The following GRIK1 variants were observed in gnomAD, a reference collection of about 807,000 sequenced individuals.
GRIK1 encodes the protein glutamate receptor ionotropic, kainate 1.
A neutral mutation model predicts 105.7 loss-of-function variants in GRIK1; 69 were observed. The observed-to-expected ratio is 0.65, with a 90% CI of 0.54 to 0.80. GRIK1 has a LOEUF of 0.80. Among genes scored for constraint, GRIK1 ranks in the 30% least tolerant of loss-of-function variants. The pLI is 0.00. For synonymous variants in GRIK1, 438 were observed against 431.3 expected, an observed-to-expected ratio of 1.02 and a Z score of -0.19; for missense variants, 1,109 against 1,167.3, an observed-to-expected ratio of 0.95 and a Z score of 0.73.
At chr21:29,709,306 A>C (rs910354534) in intron 1 of GRIK1, among the ~76,000 whole-genome samples, 1 of 139,416 alleles carries the variant, frequency 7.2e-6, no homozygotes, top group Non-Finnish European at 1.5e-5. Context: ...TTTGAGACAG[A>C]GTCTAGCTCT....
intron 1 of GRIK1, among the ~76,000 whole-genome samples, chr21:29,863,075 T>C (rs2068695763): frequency 6.6e-6 from 1 of 152,240 alleles, no homozygotes; most frequent in Admixed American, 6.5e-5. Flanking sequence ...TGTCTGTGAA[T>C]CCATGTACTC....
chr21:29,859,696 G>A (rs1045643459), intron 1 of GRIK1, among the ~76,000 whole-genome samples: 4 of 152,182 alleles, frequency 2.6e-5, no homozygotes, highest in African/African-American at 9.6e-5. Context: ...GGGTGGGGAC[G>A]CTAACCTGGG....
chr21:29,821,057 TAAAAA>T (rs11369503), intron 1 of GRIK1, among the ~76,000 whole-genome samples: 3 of 141,544 alleles, frequency 2.1e-5, no homozygotes, highest in Non-Finnish European at 4.6e-5. Context: ...CAACACACAG[TAAAAA>T]AAAAAAAAAA....
rs528572000 is a variant in GRIK1 at position 29,739,107 on chromosome 21, A to G, written c.119-45044T>C. The stretch of plus-strand genomic sequence containing the variant: ...TCATGAAAATTATAGTACATTGGAG[A>G]AAAAGGACATTAAAAATATAATATA... On this transcript the variant is annotated intron_variant, in intron 1 of 17. Transcript: ENST00000327783. 7.9e-5 allele frequency among the ~76,000 whole-genome samples: 12 copies of G among 152,312 alleles called. No homozygotes were observed. The East Asian group carries it at 2.1e-3, about 27-fold the overall frequency.
Position 29,537,900 on chromosome 21 carries a change from G to GAA in GRIK1, c.2608-18_2608-17dup. 6 of 1,009,700 alleles carry GAA rather than the reference G, an allele frequency of 5.9e-6. No individual in the cohort carries two copies. Among genetic ancestry groups the GAA allele is most frequent in the South Asian group, 1.5e-5 (1 of 68,130 alleles). 62.5% of individuals were successfully genotyped at this position (1,009,700 alleles called of 1,614,324 possible). Reference sequence around the variant, plus strand: ...ACTTTCCTTTCTGATAAAAAAAAAAGAAAAAAAAACAATTTTAAATTGTAC... The same window carrying GAA: ...ACTTTCCTTTCTGATAAAAAAAAAAGAAAAAAAAAAACAATTTTAAATTGTAC... On this transcript the variant is annotated splice_polypyrimidine_tract_variant and intron_variant, in intron 16 of 17. Coordinates refer to ENST00000327783, the MANE Select transcript of GRIK1 (RefSeq NM_001330994.2).
intron 11 of GRIK1, 81 bp downstream of exon 11, chr21:29,588,758 A>C (rs2061285448): frequency 2.4e-6 from 2 of 825,058 alleles, no homozygotes; most frequent in South Asian, 1.6e-5. Context: ...AAAAAAGGAA[A>C]CATTTCTTCT....
chr21:29,744,687 T>C (rs772142528), intron 1 of GRIK1, among the ~76,000 whole-genome samples: 1 of 152,202 alleles, frequency 6.6e-6, no homozygotes, highest in Non-Finnish European at 1.5e-5. Context: ...GTCTATATTT[T>C]TCAAGATCTT....
intron 12 of GRIK1, among the ~76,000 whole-genome samples, chr21:29,585,988 C>A (rs1199288026): frequency 1.3e-5 from 2 of 152,110 alleles, no homozygotes; most frequent in African/African-American, 4.8e-5. Context: ...CACTTGATAC[C>A]AATAGCACTC....
intron 7 of GRIK1, among the ~76,000 whole-genome samples, chr21:29,605,509 T>C (rs1389520297): frequency 6.6e-6 from 1 of 152,192 alleles, no homozygotes; most frequent in African/African-American, 2.4e-5. Flanking sequence ...CTATTGTGAA[T>C]CATGCTGCAA....
At chr21:29,575,249 T>A (rs1465754549) in intron 14 of GRIK1, among the ~76,000 whole-genome samples, 1 of 152,162 alleles carries the variant, frequency 6.6e-6, no homozygotes, top group Non-Finnish European at 1.5e-5. Context: ...TAGTTTTTGT[T>A]TCTAAGCTGG....
chr21:29,746,603 G>T (rs1374051445), intron 1 of GRIK1, among the ~76,000 whole-genome samples: 1 of 152,198 alleles, frequency 6.6e-6, no homozygotes, highest in Non-Finnish European at 1.5e-5. Flanking sequence ...AGAGAGTTAA[G>T]ATTTTACTCA....
At chr21:29,735,524 T>C (rs2064767481) in intron 1 of GRIK1, among the ~76,000 whole-genome samples, 1 of 152,226 alleles carries the variant, frequency 6.6e-6, no homozygotes, top group Non-Finnish European at 1.5e-5. Context: ...TATGCTATTC[T>C]CTTCTCTTGG....
intron 1 of GRIK1, among the ~76,000 whole-genome samples, chr21:29,789,301 C>G (rs1276631468): frequency 6.6e-6 from 1 of 152,172 alleles, no homozygotes; most frequent in Non-Finnish European, 1.5e-5. Flanking sequence ...AACTATTGGT[C>G]CCCACTGACC....
At chr21:29,810,766 T>A (rs188740274) in intron 1 of GRIK1, among the ~76,000 whole-genome samples, 3 of 152,216 alleles carry the variant, frequency 2.0e-5, no homozygotes, top group Admixed American at 2.0e-4. Context: ...GATTCAAAAT[T>A]CTGCCGTGAT....
chr21:29,668,993 G>A (rs574068413), intron 4 of GRIK1, among the ~76,000 whole-genome samples: 1 of 152,202 alleles, frequency 6.6e-6, no homozygotes, highest in Admixed American at 6.5e-5. Context: ...GGACACATGC[G>A]ACCTTCTGGT....
rs2146712970 is a variant in GRIK1 at position 29,689,538 on chromosome 21, A to G, written c.544+190T>C. On this transcript the variant is annotated intron_variant, in intron 3 of 17. Coordinates refer to ENST00000327783, the MANE Select transcript of GRIK1 (RefSeq NM_001330994.2). ...TTTGATGATAAAAGGATCGTTAGAA[A>G]GGATCAACAAACAAAAAGAAATGTG... is the stretch of plus-strand genomic sequence containing the variant. Among the ~76,000 whole-genome samples, 3 of 152,354 alleles carry G rather than the reference A, an allele frequency of 2.0e-5. 1 individual carries two copies. In the South Asian group the frequency reaches 6.2e-4, roughly 32 times the overall value.
At chr21:29,918,970 G>C (rs939736775) in intron 1 of GRIK1, among the ~76,000 whole-genome samples, 20 of 151,864 alleles carry the variant, frequency 1.3e-4, no homozygotes, top group Admixed American at 9.2e-4. Flanking sequence ...GAAGGGGAAG[G>C]CAAGGGATAT....
intron 1 of GRIK1, among the ~76,000 whole-genome samples, chr21:29,801,734 T>C (rs1039309467): frequency 3.9e-5 from 6 of 152,298 alleles, no homozygotes; most frequent in South Asian, 2.1e-4. Flanking sequence ...ATAAAACAAT[T>C]CTCAATTCAA....
At chr21:29,626,367 G>A (rs2146455864) in intron 7 of GRIK1, among the ~76,000 whole-genome samples, 1 of 152,252 alleles carries the variant, frequency 6.6e-6, no homozygotes, top group South Asian at 2.1e-4. Flanking sequence ...CTGTTGCATT[G>A]GGGATTAAGT....
Sources: allele counts gnomAD v4.1 joint callset (sites outside exome capture counted in the v4.1 genomes callset), GRCh38; gene constraint gnomAD v4.1.1; transcripts MANE v1.5; gene names NCBI Gene and HGNC (gene_info 2026-07-23, HGNC 2026-07-21).